The following SETBP1 variants were observed in gnomAD, a reference collection of about 807,000 sequenced individuals.
The protein encoded by SETBP1 is SET-binding protein.
A neutral mutation model predicts 101.0 loss-of-function variants in SETBP1; 9 were observed. That is an observed-to-expected ratio of 0.09 (90% CI 0.05 to 0.16). The LOEUF is 0.16. SETBP1 is among the 10% of genes least tolerant of loss of function. SETBP1 has a pLI of 1.00. For synonymous variants in SETBP1, 818 were observed against 788.5 expected, an observed-to-expected ratio of 1.04 and a Z score of -0.63; for missense variants, 1,858 against 2,033.8, an observed-to-expected ratio of 0.91 and a Z score of 1.66.
intron 2 of SETBP1, among the ~76,000 whole-genome samples, chr18:44,717,377 A>G (rs1182878053): frequency 1.3e-5 from 2 of 152,220 alleles, no homozygotes; most frequent in Non-Finnish European, 2.9e-5. Flanking sequence ...TCTGCTCCCA[A>G]ACTTCATGCT....
intron 4 of SETBP1, among the ~76,000 whole-genome samples, chr18:44,982,157 G>C (rs753201325): frequency 3.9e-5 from 6 of 152,172 alleles, no homozygotes; most frequent in Non-Finnish European, 8.8e-5. Context: ...TCACAGCTCT[G>C]GAATAAATGA....
intron 2 of SETBP1, among the ~76,000 whole-genome samples, chr18:44,823,100 C>T (rs1478766273): frequency 6.6e-6 from 1 of 152,162 alleles, no homozygotes; most frequent in Non-Finnish European, 1.5e-5. Context: ...TGCTGCACTC[C>T]AGGCTAGGCG....
intron 2 of SETBP1, among the ~76,000 whole-genome samples, chr18:44,782,939 G>A (rs142444342): frequency 7.8e-4 from 118 of 152,230 alleles, no homozygotes; most frequent in Non-Finnish European, 1.4e-3. Flanking sequence ...TTGGGGGTAC[G>A]TAGTAGGTGT....
chr18:44,961,525 C>A (rs749222942), intron 4 of SETBP1, among the ~76,000 whole-genome samples: 1 of 152,118 alleles, frequency 6.6e-6, no homozygotes, highest in East Asian at 1.9e-4. Flanking sequence ...AAGAAGACTA[C>A]GTTTGTGAAG....
intron 4 of SETBP1, among the ~76,000 whole-genome samples, chr18:45,032,605 G>T (rs1229868663): frequency 6.6e-6 from 1 of 152,158 alleles, no homozygotes. Context: ...GATTACGCAG[G>T]TTGTTTGTTG....
chr18:44,955,423 T>G (rs940927306), intron 4 of SETBP1, among the ~76,000 whole-genome samples: 1 of 152,212 alleles, frequency 6.6e-6, no homozygotes, highest in Admixed American at 6.5e-5. Context: ...CCGTGTGCCC[T>G]TAGGCATGGG....
chr18:45,021,036 T>G (rs1052615812), intron 4 of SETBP1, among the ~76,000 whole-genome samples: 3 of 152,234 alleles, frequency 2.0e-5, no homozygotes, highest in African/African-American at 7.2e-5. Context: ...CTTTTCATCT[T>G]TATCTTGTTT....
intron 1 of SETBP1, among the ~76,000 whole-genome samples, chr18:44,684,526 C>G (rs1452541962): frequency 6.6e-6 from 1 of 151,354 alleles, no homozygotes; most frequent in Non-Finnish European, 1.5e-5. Flanking sequence ...AGCTTCTGGT[C>G]CTTACTGTTC....
At chr18:44,761,090 T>C (rs1270147723) in intron 2 of SETBP1, among the ~76,000 whole-genome samples, 2 of 152,202 alleles carry the variant, frequency 1.3e-5, no homozygotes, top group Admixed American at 6.5e-5. Flanking sequence ...AAATCAGCCG[T>C]GCTACTTTAT....
intron 4 of SETBP1, among the ~76,000 whole-genome samples, chr18:44,993,116 C>T (rs972612884): frequency 9.2e-5 from 14 of 151,912 alleles, no homozygotes; most frequent in African/African-American, 1.2e-4. Context: ...TCATTTATGA[C>T]AAAGGTTCTC....
intron 2 of SETBP1, among the ~76,000 whole-genome samples, chr18:44,787,860 C>CAAAAAAAAAAAAAAAAAAAAAAAAAAA (rs11399627): frequency 2.2e-4 from 2 of 9,220 alleles, no homozygotes; most frequent in Non-Finnish European, 4.3e-4. Flanking sequence ...GAGTCCGTCT[C>CAAAAAAAAAAAAAAAAAAAAAAAAAAA]AAAAAAAAAA....
At chr18:44,976,572 T>A (rs186438661) in intron 4 of SETBP1, among the ~76,000 whole-genome samples, 1 of 152,270 alleles carries the variant, frequency 6.6e-6, no homozygotes, top group Admixed American at 6.5e-5. Flanking sequence ...GTGACCCAGG[T>A]ACATGTCCTC....
intron 2 of SETBP1, among the ~76,000 whole-genome samples, chr18:44,796,357 G>A (rs2071475371): frequency 6.6e-6 from 1 of 152,184 alleles, no homozygotes; most frequent in African/African-American, 2.4e-5. Flanking sequence ...TATTGCGCTA[G>A]GAGAGACCTC....
chr18:44,991,244 C>CAAAAAAAAAAAA, intron 4 of SETBP1, among the ~76,000 whole-genome samples: 1 of 68,212 alleles, frequency 1.5e-5, no homozygotes, highest in Non-Finnish European at 2.8e-5. Context: ...CTGCATCTCA[C>CAAAAAAAAAAAA]AAAAAAAAAA....
At position 44,926,766 on chromosome 18, in the gene SETBP1, AAC is replaced by A. The variant is rs750378282; in HGVS notation, c.541-23113_541-23112del. ...TTTAAAAACAAACAAACAAACAAACAACAACAACAACAACAACAACAAAAAGA... is the reference window on the plus strand; with the variant it reads ...TTTAAAAACAAACAAACAAACAAACAAACAACAACAACAACAACAAAAAGA... On this transcript the variant is annotated intron_variant, in intron 3 of 5. Transcript: ENST00000649279. Among the ~76,000 whole-genome samples, 433 of 97,402 alleles carry A rather than the reference AAC, an allele frequency of 4.4e-3. 6 individuals are homozygous for A. Among genetic ancestry groups the A allele is most frequent in the African/African-American group, 0.014 (411 of 30,192 alleles). The allele number at this position is 97,402 out of a possible 152,430, so 63.9% of individuals were successfully genotyped here. A position where few individuals can be genotyped will look rare whatever the true frequency, so the allele number is the denominator to read the frequency against.
intron 3 of SETBP1, among the ~76,000 whole-genome samples, chr18:44,949,362 A>C (rs2071282845): frequency 6.6e-6 from 1 of 152,240 alleles, no homozygotes; most frequent in South Asian, 2.1e-4. Flanking sequence ...AACAGGAGGA[A>C]GCGAGGAAAG....
rs191095025 is a variant in SETBP1, at chr18:45,047,964, T to C, written c.4171+9309T>C. ...AAGGAGTCTCCTCCTGCTGCTTCAA[T>C]TGGAACAGACTAGACAAACCTGGAT... On this transcript the variant is annotated intron_variant, in intron 5 of 5. Transcript: ENST00000649279. Among the ~76,000 whole-genome samples, 4 of 152,262 alleles carry C rather than the reference T, an allele frequency of 2.6e-5. No homozygotes were observed. In the South Asian group the frequency reaches 6.2e-4, roughly 24 times the overall value.
At chr18:45,027,787 G>A (rs2073199268) in intron 4 of SETBP1, among the ~76,000 whole-genome samples, 1 of 152,102 alleles carries the variant, frequency 6.6e-6, no homozygotes, top group African/African-American at 2.4e-5. Flanking sequence ...CAACATAAAT[G>A]CATCATCTTT....
chr18:45,017,312 C>A (rs1016052212), intron 4 of SETBP1, among the ~76,000 whole-genome samples: 2 of 152,178 alleles, frequency 1.3e-5, no homozygotes, highest in East Asian at 3.8e-4. Flanking sequence ...CCAGACCCCA[C>A]CCTCCAGTAA....
Sources: gnomAD v4.1 joint callset for allele counts (sites outside exome capture counted in the v4.1 genomes callset) on GRCh38, gnomAD v4.1.1 for gene constraint, MANE v1.5 for transcripts, NCBI Gene and HGNC (gene_info 2026-07-23, HGNC 2026-07-21) for gene names.